RETREG1: variants seen among roughly 807,000 people sequenced by gnomAD.
The protein encoded by RETREG1 is reticulophagy regulator 1.
In RETREG1, 44 loss-of-function variants were observed where a neutral mutation model predicts 54.8. The observed-to-expected ratio is 0.80, with a 90% CI of 0.63 to 1.03. The LOEUF is 1.03. Ranked by LOEUF, RETREG1 falls within the 50% of genes least tolerant of loss-of-function variation. The pLI, the probability that RETREG1 is intolerant of heterozygous loss-of-function variation, is 0.00. For synonymous variants in RETREG1, 217 were observed against 238.5 expected (o/e 0.91, Z 0.83); for missense variants, 554 against 605.1 (o/e 0.92, Z 0.89).
chr5:16,479,126 T>C, intron 5 of RETREG1, 139 bp from the exon 6 acceptor site: 1 of 782,224 alleles, frequency 1.3e-6, no homozygotes, highest in Non-Finnish European at 2.1e-6. Flanking sequence ...GAAATAAGTT[T>C]ATAATTTCTA....
At chr5:16,513,054 A>G (rs1740231130) in intron 3 of RETREG1, among the ~76,000 whole-genome samples, 1 of 152,162 alleles carries the variant, frequency 6.6e-6, no homozygotes, top group African/African-American at 2.4e-5. Context: ...CTCTCTGAGT[A>G]TATTTGAGCA....
chr5:16,486,566 T>A (rs978238811), intron 3 of RETREG1, among the ~76,000 whole-genome samples: 2 of 152,210 alleles, frequency 1.3e-5, no homozygotes, highest in Non-Finnish European at 2.9e-5. Flanking sequence ...GAAATCCAAC[T>A]TTTTGCAGCT....
At chr5:16,616,556 TGTCCCGCGGGCTCCCCCTGCACTGG>T (rs1351275487) in intron 1 of RETREG1, 71 bp downstream of exon 1, 185 of 1,509,118 alleles carry the variant, frequency 1.2e-4, no homozygotes, top group Non-Finnish European at 1.6e-4. Flanking sequence ...TCCTCCGCAG[TGTCCCGCGGGCTCCCCCTGCACTGG>T]GTCCCCGGGG....
In RETREG1 at chr5:16,585,404, C is replaced by T. The variant is rs886397877; in HGVS notation, c.321-13302G>A. On this transcript the variant is annotated intron_variant, in intron 1 of 8. Coordinates refer to ENST00000306320, the MANE Select transcript of RETREG1 (RefSeq NM_001034850.3). The surrounding 1 kb of genome is among the most constrained non-coding windows in gnomAD (Gnocchi z 4.5). ...AAACTGAGCATGCTCTACTGTGCAC[C>T]CTTGCACTGGAATTATGAGAAAAGC... Among the ~76,000 whole-genome samples, 3 of 152,106 alleles carry T rather than the reference C, an allele frequency of 2.0e-5. No individual in the cohort carries two copies. The highest frequency in any genetic ancestry group is 7.2e-5 in the African/African-American group (3 of 41,420).
In RETREG1 at chr5:16,607,053, C is replaced by T. The variant is rs1006497121; in HGVS notation, c.320+9599G>A. Among the ~76,000 whole-genome samples the T allele has an allele frequency of 1.4e-4, 22 of 152,198 alleles. No homozygotes were observed. The East Asian group carries it at 4.1e-3, about 28-fold the overall frequency. On this transcript the variant is annotated intron_variant, in intron 1 of 8. Coordinates refer to ENST00000306320, the MANE Select transcript of RETREG1 (RefSeq NM_001034850.3). The stretch of plus-strand genomic sequence containing the variant: ...CCAGAGTTACCTGCTTGGATCATTC[C>T]CTGACTTGCTCTTCAGGTGTCTACT...
intron 5 of RETREG1, 86 bp from the exon 6 acceptor site, chr5:16,479,073 C>T: frequency 1.5e-6 from 2 of 1,336,854 alleles, no homozygotes; most frequent in East Asian, 4.7e-5. Flanking sequence ...TACTACATTT[C>T]TTTACTGAAA....
intron 1 of RETREG1, among the ~76,000 whole-genome samples, chr5:16,604,178 A>G (rs1743123515): frequency 6.6e-6 from 1 of 152,202 alleles, no homozygotes; most frequent in South Asian, 2.1e-4. Context: ...ATATTGAATT[A>G]CGCTCTGATT....
At chr5:16,524,733 A>T (rs975927336) in intron 3 of RETREG1, among the ~76,000 whole-genome samples, 4 of 152,224 alleles carry the variant, frequency 2.6e-5, no homozygotes, top group African/African-American at 4.8e-5. Context: ...TGTCCTTCCC[A>T]AGCAGTTAAA....
At chr5:16,528,489 C>G (rs117211262) in intron 3 of RETREG1, among the ~76,000 whole-genome samples, 1 of 152,080 alleles carries the variant, frequency 6.6e-6, no homozygotes, top group African/African-American at 2.4e-5. Flanking sequence ...GGACAGGAGT[C>G]AGCTCTGGAT....
rs1419565672 is a variant in RETREG1, at chr5:16,616,957, C to G, written c.15G>C (p.Ala5=). 44 of 1,433,754 alleles carry G rather than the reference C, an allele frequency of 3.1e-5. No individual in the cohort carries two copies. The highest frequency in any genetic ancestry group is 7.9e-5 in the Admixed American group (3 of 38,070). 88.8% of individuals were successfully genotyped at this position (1,433,754 alleles called of 1,614,324 possible). A position where few individuals can be genotyped will look rare whatever the true frequency, so the allele number is the denominator to read the frequency against. MASP[A]PPEHAEEGCP... Reference sequence around the variant, plus strand: ...ATCCCTCCTCGGCGTGCTCCGGAGGCGCCGGGCTCGCCATCTTCAGCTGTG... The same window carrying G: ...ATCCCTCCTCGGCGTGCTCCGGAGGGGCCGGGCTCGCCATCTTCAGCTGTG... The change falls in exon 1 of 9, where the codon GCG becomes GCC. Residue 5 remains alanine, a synonymous_variant. Transcript: ENST00000306320.
chr5:16,586,629 C>T (rs1428862799), intron 1 of RETREG1, among the ~76,000 whole-genome samples: 1 of 152,150 alleles, frequency 6.6e-6, no homozygotes, highest in African/African-American at 2.4e-5. Context: ...CAGGGCCTTT[C>T]CCATTCAAAT....
chr5:16,492,549 A>G (rs1045706939), intron 3 of RETREG1, among the ~76,000 whole-genome samples: 4 of 151,970 alleles, frequency 2.6e-5, no homozygotes, highest in African/African-American at 9.7e-5. Context: ...ACACCTATAA[A>G]TATGCTTTGG....
At chr5:16,611,980 G>A (rs563997133) in intron 1 of RETREG1, among the ~76,000 whole-genome samples, 7 of 151,140 alleles carry the variant, frequency 4.6e-5, no homozygotes, top group African/African-American at 1.2e-4. Flanking sequence ...CAGGAGAATC[G>A]CTAGAACCCA....
At chr5:16,601,580 G>C (rs1237684462) in intron 1 of RETREG1, among the ~76,000 whole-genome samples, 1 of 151,968 alleles carries the variant, frequency 6.6e-6, no homozygotes, top group Non-Finnish European at 1.5e-5. Context: ...TATTTTTGTA[G>C]AGGCAGGGTT....
chr5:16,596,991 C>A (rs1742916402), intron 1 of RETREG1, among the ~76,000 whole-genome samples: 1 of 152,212 alleles, frequency 6.6e-6, no homozygotes, highest in African/African-American at 2.4e-5. Context: ...TACCTATGTA[C>A]TAGAAGTCAT....
chr5:16,488,147 C>T (rs1015006462), intron 3 of RETREG1, among the ~76,000 whole-genome samples: 1 of 152,216 alleles, frequency 6.6e-6, no homozygotes, highest in South Asian at 2.1e-4. Context: ...GATAAAGTAA[C>T]ACTGAATTCC....
chr5:16,616,407 A>C (rs927778376), intron 1 of RETREG1: 9 of 625,276 alleles, frequency 1.4e-5, no homozygotes, highest in Non-Finnish European at 2.0e-5. Context: ...GGGTCGGCCG[A>C]CCACCTCGCA....
At chr5:16,524,216 C>T (rs189650927) in intron 3 of RETREG1, among the ~76,000 whole-genome samples, 11 of 152,308 alleles carry the variant, frequency 7.2e-5, no homozygotes, top group East Asian at 5.8e-4. Flanking sequence ...CACCAACACG[C>T]GTGAGACAAG....
chr5:16,475,975 T>G (rs1453005371), intron 8 of RETREG1, among the ~76,000 whole-genome samples: 5 of 152,206 alleles, frequency 3.3e-5, no homozygotes, highest in African/African-American at 1.2e-4. Context: ...AAGCCTTGTA[T>G]GTGGCTTGGA....
Sources: allele counts gnomAD v4.1 joint callset (sites outside exome capture counted in the v4.1 genomes callset), GRCh38; gene constraint gnomAD v4.1.1; non-coding constraint Gnocchi (gnomAD v3.1); transcripts MANE v1.5; gene names NCBI Gene and HGNC (gene_info 2026-07-23, HGNC 2026-07-21).